The following RABGAP1L variants were observed in gnomAD, a reference collection of about 807,000 sequenced individuals.
RABGAP1L encodes RAB GTPase activating protein 1 like, also known as rab GTPase-activating protein 1-like.
RABGAP1L carries 63 observed loss-of-function variants against 137.7 expected under a neutral mutation model. The ratio of observed to expected loss-of-function variants is 0.46; its 90% CI spans 0.37 to 0.56. The LOEUF (loss-of-function observed/expected upper bound fraction) is 0.56, where lower values mean the gene tolerates loss of function less well. Ranked by LOEUF, RABGAP1L falls within the 20% of genes least tolerant of loss-of-function variation. The probability of loss-of-function intolerance (pLI) is 0.00; values close to 1 mark genes in which losing one functional copy is unlikely to be tolerated. For synonymous variants in RABGAP1L, 431 were observed against 433.7 expected (o/e 0.99, Z 0.08); for missense variants, 1,095 against 1,244.0 (o/e 0.88, Z 1.80).
intron 7 of RABGAP1L, among the ~76,000 whole-genome samples, chr1:174,270,546 C>T (rs1411563075): frequency 6.6e-6 from 1 of 151,970 alleles, no homozygotes; most frequent in African/African-American, 2.4e-5. Context: ...TTTATCTCTA[C>T]ATAATGCATA....
intron 13 of RABGAP1L, among the ~76,000 whole-genome samples, chr1:174,510,112 C>T (rs185739459): frequency 6.6e-6 from 1 of 152,300 alleles, no homozygotes; most frequent in Admixed American, 6.5e-5. Context: ...ACCTTCGCTG[C>T]CTCTTAATCT....
chr1:174,975,897 G>C, intron 21 of RABGAP1L, 181 bp from the exon 22 acceptor site: 1 of 570,322 alleles, frequency 1.8e-6, no homozygotes, highest in Non-Finnish European at 3.2e-6. Context: ...GTGCCAACTA[G>C]ATGGCACATA....
At chr1:174,181,795 G>T (rs61827906) in intron 1 of RABGAP1L, among the ~76,000 whole-genome samples, 2 of 152,262 alleles carry the variant, frequency 1.3e-5, no homozygotes, top group Admixed American at 1.3e-4. Context: ...TGCCAGTAAG[G>T]GAGACAGCTT....
intron 10 of RABGAP1L, 146 bp downstream of exon 10, chr1:174,278,925 G>A: frequency 2.8e-6 from 2 of 711,326 alleles, no homozygotes; most frequent in Non-Finnish European, 4.1e-6. Context: ...CCAATAGAGT[G>A]TTTGAAAAAG....
intron 13 of RABGAP1L, among the ~76,000 whole-genome samples, chr1:174,451,524 G>A (rs1020777388): frequency 6.6e-6 from 1 of 152,144 alleles, no homozygotes; most frequent in African/African-American, 2.4e-5. Context: ...ATAAGGAAAC[G>A]AAAGAAAAAT....
At chr1:174,979,412 G>A (rs1670911965) in intron 23 of RABGAP1L, among the ~76,000 whole-genome samples, 1 of 152,072 alleles carries the variant, frequency 6.6e-6, no homozygotes, top group Non-Finnish European at 1.5e-5. Context: ...ACAATCTATT[G>A]GTTGTTTACA....
At chr1:174,373,909 CA>C (rs1361313165) in intron 12 of RABGAP1L, among the ~76,000 whole-genome samples, 1 of 152,112 alleles carries the variant, frequency 6.6e-6, no homozygotes, top group Non-Finnish European at 1.5e-5. Context: ...TAAATGACTA[CA>C]AAAGGGTAAA....
intron 11 of RABGAP1L, among the ~76,000 whole-genome samples, chr1:174,315,006 A>T (rs912147739): frequency 5.9e-5 from 9 of 152,214 alleles, no homozygotes; most frequent in African/African-American, 2.2e-4. Context: ...TATGAGGTCC[A>T]TTAGGTCTAT....
At chr1:174,271,703 G>T (rs1337266113) in intron 7 of RABGAP1L, among the ~76,000 whole-genome samples, 1 of 152,034 alleles carries the variant, frequency 6.6e-6, no homozygotes, top group African/African-American at 2.4e-5. Context: ...CGAGTTAGCT[G>T]AATTTTAGAG....
In RABGAP1L at chr1:174,970,012, G is replaced by C. The variant is rs1334472168; in HGVS notation, c.2544+625G>C. Among the ~76,000 whole-genome samples the C allele has an allele frequency of 2.0e-5, 3 of 152,230 alleles. No individual in the cohort carries two copies. The East Asian group carries it at 5.8e-4, about 29-fold the overall frequency. On this transcript the variant is annotated intron_variant, in intron 21 of 25. Transcript: ENST00000681986. The stretch of plus-strand genomic sequence containing the variant: ...CATTAAATGTTAGATGTAGCTGAGA[G>C]AGCTGGCACTAAAGGGAATTCAAAA...
At chr1:174,407,936 G>A (rs970682709) in intron 13 of RABGAP1L, among the ~76,000 whole-genome samples, 5 of 152,054 alleles carry the variant, frequency 3.3e-5, no homozygotes, top group Admixed American at 2.0e-4. Flanking sequence ...AGCATTACAC[G>A]GCATTTCAAG....
intron 13 of RABGAP1L, among the ~76,000 whole-genome samples, chr1:174,420,927 G>T (rs1390133890): frequency 6.6e-6 from 1 of 152,046 alleles, no homozygotes; most frequent in Non-Finnish European, 1.5e-5. Context: ...TGCCCTCCTT[G>T]GCCTCCCAAA....
chr1:174,374,095 T>C (rs922275462), intron 12 of RABGAP1L, among the ~76,000 whole-genome samples: 1 of 152,212 alleles, frequency 6.6e-6, no homozygotes, highest in Non-Finnish European at 1.5e-5. Context: ...ACTTTTATGG[T>C]CCAACCATGT....
chr1:174,747,022 C>T (rs559356093), intron 17 of RABGAP1L, among the ~76,000 whole-genome samples: 3 of 152,188 alleles, frequency 2.0e-5, no homozygotes, highest in Admixed American at 6.5e-5. Flanking sequence ...ACATGTTTTC[C>T]CCTTAAGAAC....
intron 15 of RABGAP1L, among the ~76,000 whole-genome samples, chr1:174,686,534 G>GT (rs1678469826): frequency 6.7e-6 from 1 of 149,858 alleles, no homozygotes; most frequent in South Asian, 2.2e-4. Context: ...TGACATGGAT[G>GT]TTTTCTTCAA....
intron 1 of RABGAP1L, among the ~76,000 whole-genome samples, chr1:174,206,834 C>T (rs1161412452): frequency 6.6e-6 from 1 of 152,098 alleles, no homozygotes; most frequent in African/African-American, 2.4e-5. Context: ...TTTAGGCATC[C>T]AAGTGAGGTA....
intron 13 of RABGAP1L, among the ~76,000 whole-genome samples, chr1:174,395,340 G>A (rs1301545007): frequency 6.6e-6 from 1 of 152,096 alleles, no homozygotes; most frequent in East Asian, 1.9e-4. Context: ...CATAAAATGT[G>A]TGATTGGCTT....
intron 13 of RABGAP1L, among the ~76,000 whole-genome samples, chr1:174,397,601 T>G (rs1193982861): frequency 6.6e-6 from 1 of 152,214 alleles, no homozygotes; most frequent in African/African-American, 2.4e-5. Context: ...CATTACATCT[T>G]TTTTGAAATA....
Position 174,329,958 on chromosome 1 carries a change from A to T in RABGAP1L, c.1465+24831A>T, listed in dbSNP as rs533202338. 7.2e-5 allele frequency among the ~76,000 whole-genome samples: 11 copies of T among 152,264 alleles called. No homozygotes were observed. In the East Asian group the frequency reaches 1.9e-3, roughly 27 times the overall value. On this transcript the variant is annotated intron_variant, in intron 11 of 25. Coordinates refer to ENST00000681986, the MANE Select transcript of RABGAP1L (RefSeq NM_001366446.1). ...AAGCTTTGGTCTCCTGCAAAAAAAA[A>T]AAAATTGAAAACTTTTTCTCTGATT...
Sources: allele counts gnomAD v4.1 joint callset (sites outside exome capture counted in the v4.1 genomes callset), GRCh38; gene constraint gnomAD v4.1.1; transcripts MANE v1.5; gene names NCBI Gene and HGNC (gene_info 2026-07-23, HGNC 2026-07-21).